Variants in CHD7 observed in about 807,000 individuals in gnomAD.
The protein encoded by CHD7 is chromodomain helicase DNA binding protein 7.
CHD7 carries 24 observed loss-of-function variants against 307.3 expected under a neutral mutation model. That is an observed-to-expected ratio of 0.08 (90% CI 0.06 to 0.11). CHD7 has a LOEUF of 0.11. CHD7 is among the 10% of genes least tolerant of loss of function. The probability of loss-of-function intolerance (pLI) is 1.00; values close to 1 mark genes in which losing one functional copy is unlikely to be tolerated. For synonymous variants in CHD7, 1,363 were observed against 1,349.9 expected (o/e 1.01, Z -0.21); for missense variants, 3,106 against 3,727.1 (o/e 0.83, Z 4.34).
intron 37 of CHD7, chr8:60,864,401 T>A (rs1346206537): frequency 6.6e-6 from 1 of 152,644 alleles, no homozygotes; most frequent in Admixed American, 6.5e-5. Flanking sequence ...ATTACAAGCA[T>A]GAACCACGGC....
At chr8:60,847,646 T>C in intron 23 of CHD7, among the ~76,000 whole-genome samples, 1 of 152,204 alleles carries the variant, frequency 6.6e-6, no homozygotes, top group Non-Finnish European at 1.5e-5. Flanking sequence ...CAGGGGATGC[T>C]AGCTTTGGTA....
At chr8:60,781,688 CTT>C (rs929132319) in intron 3 of CHD7, among the ~76,000 whole-genome samples, 5 of 152,118 alleles carry the variant, frequency 3.3e-5, no homozygotes, top group African/African-American at 1.2e-4. Flanking sequence ...TTTATGAAAA[CTT>C]ATCATTTAGC....
At chr8:60,734,311 C>T (rs951003498) in intron 1 of CHD7, among the ~76,000 whole-genome samples, 3 of 152,148 alleles carry the variant, frequency 2.0e-5, no homozygotes, top group African/African-American at 4.8e-5. Context: ...TGAGGTGAGC[C>T]TGAGAGTCTG....
In CHD7 at chr8:60,845,420, A is replaced by C; in HGVS notation, c.5210+11A>C. ...GCATCACTGTAACAAGTATGTTATT[A>C]GAGGGTGGACCTGGAGAGCTTAATT... On this transcript the variant is annotated intron_variant, in intron 23 of 37. Coordinates refer to ENST00000423902, the MANE Select transcript of CHD7 (RefSeq NM_017780.4). 6.2e-7 allele frequency: 1 copy of C among 1,613,382 alleles called. No homozygotes were observed. The highest frequency in any genetic ancestry group is 8.5e-7 in the Non-Finnish European group (1 of 1,179,562).
chr8:60,774,655 G>C (rs762048839), intron 2 of CHD7, among the ~76,000 whole-genome samples: 7 of 152,210 alleles, frequency 4.6e-5, no homozygotes, highest in Non-Finnish European at 8.8e-5. Context: ...CAGAGAGACA[G>C]GAAAGGGGAG....
chr8:60,712,652 C>A (rs966603961), intron 1 of CHD7, among the ~76,000 whole-genome samples: 3 of 152,226 alleles, frequency 2.0e-5, no homozygotes, highest in African/African-American at 7.2e-5. Context: ...TGCAGTGGCT[C>A]ATGCCTGTAA....
Position 60,841,761 on chromosome 8 carries a change from A to T in CHD7, c.4644+7A>T. 6.2e-7 allele frequency: 1 copy of T among 1,603,346 alleles called. No homozygotes were observed. Among genetic ancestry groups the T allele is most frequent in the Non-Finnish European group, 8.5e-7 (1 of 1,170,564 alleles). ...TGATGCCTTAAATGGGAGGGTGAGT[A>T]AGAAGTCCCATTCGAACACCTATCT... On this transcript the variant is annotated splice_region_variant and intron_variant, in intron 20 of 37. Transcript: ENST00000423902.
chr8:60,779,347 C>T (rs1811095346), intron 2 of CHD7, among the ~76,000 whole-genome samples: 1 of 152,130 alleles, frequency 6.6e-6, no homozygotes, highest in Non-Finnish European at 1.5e-5. Flanking sequence ...GAGCCTTTCC[C>T]AGAAAGATGC....
rs546943513 is a variant in CHD7, at chr8:60,679,112, G to C, written c.-175+30G>C. On this transcript the variant is annotated intron_variant, in intron 1 of 37. Coordinates refer to ENST00000423902, the MANE Select transcript of CHD7 (RefSeq NM_017780.4). ...GCGCGAGAGTTCGCCCGGCGCCCCCGGGAGGGGCGGCGGCGGCGGCGGCGG... is the reference window on the plus strand; with the variant it reads ...GCGCGAGAGTTCGCCCGGCGCCCCCCGGAGGGGCGGCGGCGGCGGCGGCGG... The C allele has an allele frequency of 6.9e-3, 1,087 of 157,916 alleles. 8 individuals are homozygous for C. The highest frequency in any genetic ancestry group is 0.012 in the Non-Finnish European group (853 of 73,554). 9.8% of individuals were successfully genotyped at this position (157,916 alleles called of 1,614,324 possible).
intron 17 of CHD7, 148 bp from the exon 18 acceptor site, chr8:60,837,520 G>A: frequency 1.6e-6 from 1 of 629,106 alleles, no homozygotes; most frequent in Non-Finnish European, 2.6e-6. Flanking sequence ...CTGTTCGTGA[G>A]GACTCCACCT....
At chr8:60,736,877 T>C (rs941484371) in intron 1 of CHD7, among the ~76,000 whole-genome samples, 4 of 152,218 alleles carry the variant, frequency 2.6e-5, no homozygotes, top group Non-Finnish European at 5.9e-5. Context: ...TAAAAGGTTC[T>C]GCGTCACTAC....
chr8:60,695,068 G>A (rs557609119), intron 1 of CHD7, among the ~76,000 whole-genome samples: 2 of 152,114 alleles, frequency 1.3e-5, no homozygotes, highest in East Asian at 1.9e-4. Context: ...CATTCAGGGT[G>A]GGGGGAAGAG....
chr8:60,712,898 A>G (rs995369804), intron 1 of CHD7, among the ~76,000 whole-genome samples: 32 of 151,882 alleles, frequency 2.1e-4, no homozygotes, highest in African/African-American at 7.5e-4. Flanking sequence ...AAAAATACAA[A>G]AAAGTAGCTG....
chr8:60,770,950 G>C (rs1425278481), intron 2 of CHD7, among the ~76,000 whole-genome samples: 2 of 152,206 alleles, frequency 1.3e-5, no homozygotes, highest in East Asian at 3.8e-4. Context: ...CTTTGCCAGA[G>C]GTTGCCTGGT....
At chr8:60,715,243 G>A (rs1428481675) in intron 1 of CHD7, among the ~76,000 whole-genome samples, 1 of 151,716 alleles carries the variant, frequency 6.6e-6, no homozygotes, top group Non-Finnish European at 1.5e-5. Context: ...ATGAACCATC[G>A]CTGGCTTTCC....
At chr8:60,705,140 GAAAGGTAGAT>G (rs1806958909) in intron 1 of CHD7, among the ~76,000 whole-genome samples, 1 of 152,190 alleles carries the variant, frequency 6.6e-6, no homozygotes, top group Non-Finnish European at 1.5e-5. Flanking sequence ...TAAGAGTCCT[GAAAGGTAGAT>G]AAGTGTGGAG....
chr8:60,730,326 G>A (rs992547643), intron 1 of CHD7, among the ~76,000 whole-genome samples: 12 of 152,224 alleles, frequency 7.9e-5, no homozygotes, highest in African/African-American at 2.9e-4. Flanking sequence ...CAGAGTTTGT[G>A]GATAAAACTT....
chr8:60,835,560 G>A (rs993145743), intron 15 of CHD7, among the ~76,000 whole-genome samples: 1 of 152,126 alleles, frequency 6.6e-6, no homozygotes, highest in Non-Finnish European at 1.5e-5. Context: ...TCCTCTTTTT[G>A]TAGTTCCTTT....
intron 1 of CHD7, among the ~76,000 whole-genome samples, chr8:60,716,991 C>T (rs138877906): frequency 4.5e-4 from 68 of 150,034 alleles, no homozygotes; most frequent in Non-Finnish European, 8.6e-4. Context: ...TCCTGATTAG[C>T]AAATTACACA....
Sources: gnomAD v4.1 joint callset for allele counts (sites outside exome capture counted in the v4.1 genomes callset) on GRCh38, gnomAD v4.1.1 for gene constraint, MANE v1.5 for transcripts, NCBI Gene and HGNC (gene_info 2026-07-23, HGNC 2026-07-21) for gene names.